The following TJP1 variants were observed in gnomAD, a reference collection of about 807,000 sequenced individuals.
TJP1 encodes the protein tight junction protein ZO-1.
In TJP1, 43 loss-of-function variants were observed where a neutral mutation model predicts 194.2. The observed-to-expected ratio is 0.22, with a 90% CI of 0.17 to 0.29. The LOEUF is 0.29. TJP1 is among the 10% of genes least tolerant of loss of function. The probability of loss-of-function intolerance (pLI) is 1.00; values close to 1 mark genes in which losing one functional copy is unlikely to be tolerated. For missense variants in TJP1, 1,971 were observed against 2,185.7 expected (o/e 0.90, Z 1.96); for synonymous variants, 801 against 779.0 (o/e 1.03, Z -0.47).
chr15:29,895,644 C>T (rs2053453547), intron 2 of TJP1, among the ~76,000 whole-genome samples: 1 of 152,202 alleles, frequency 6.6e-6, no homozygotes, highest in Non-Finnish European at 1.5e-5. Flanking sequence ...ACCAGAATTG[C>T]CCTTTAGGGT....
intron 2 of TJP1, among the ~76,000 whole-genome samples, chr15:29,834,309 C>T (rs1045169487): frequency 2.6e-5 from 4 of 151,726 alleles, no homozygotes; most frequent in African/African-American, 7.3e-5. Context: ...GCATCCTCCA[C>T]CTCCCAGGTT....
At chr15:29,853,432 T>C (rs2051723112) in intron 2 of TJP1, among the ~76,000 whole-genome samples, 2 of 152,220 alleles carry the variant, frequency 1.3e-5, no homozygotes, top group African/African-American at 4.8e-5. Context: ...ATAAGATCAG[T>C]GGATTAACAT....
At chr15:29,730,514 T>C (rs1474265945) in intron 15 of TJP1, among the ~76,000 whole-genome samples, 1 of 151,672 alleles carries the variant, frequency 6.6e-6, no homozygotes, top group Non-Finnish European at 1.5e-5. Flanking sequence ...TGTGGACTGC[T>C]TGAACCCATG....
At chr15:29,911,701 A>C (rs1011132927) in intron 2 of TJP1, among the ~76,000 whole-genome samples, 5 of 152,208 alleles carry the variant, frequency 3.3e-5, no homozygotes, top group African/African-American at 1.2e-4. Context: ...TCCCTCCTCC[A>C]ACACTGTGGA....
At position 29,769,300 on chromosome 15, in the gene TJP1, A is replaced by G. The variant is rs2046507421; in HGVS notation, c.313-2758T>C. On this transcript the variant is annotated intron_variant, in intron 4 of 27. Coordinates refer to ENST00000614355, the MANE Select transcript of TJP1 (RefSeq NM_001330239.4). Reference sequence around the variant, plus strand: ...AATGTTTCATTTGAAACACTTGTTTAGTTTATCAGTTTGGCAAAGATTTAA... The same window carrying G: ...AATGTTTCATTTGAAACACTTGTTTGGTTTATCAGTTTGGCAAAGATTTAA... 2.0e-5 allele frequency among the ~76,000 whole-genome samples: 3 copies of G among 152,220 alleles called. No individual in the cohort carries two copies. In the South Asian group the frequency reaches 6.2e-4, roughly 32 times the overall value.
At chr15:29,862,448 C>T (rs2052113580) in intron 2 of TJP1, among the ~76,000 whole-genome samples, 1 of 151,738 alleles carries the variant, frequency 6.6e-6, no homozygotes, top group African/African-American at 2.4e-5. Context: ...GAGGATCATT[C>T]TAGGCAAAAC....
chr15:29,935,151 CA>C (rs2054841874), intron 2 of TJP1, among the ~76,000 whole-genome samples: 1 of 152,228 alleles, frequency 6.6e-6, no homozygotes, highest in Non-Finnish European at 1.5e-5. Flanking sequence ...TCACCAGTAA[CA>C]CTTGTAGATC....
chr15:29,924,339 G>T (rs1415955602), intron 2 of TJP1, among the ~76,000 whole-genome samples: 1 of 152,072 alleles, frequency 6.6e-6, no homozygotes, highest in African/African-American at 2.4e-5. Flanking sequence ...CCAACATGCT[G>T]GGATTACACG....
chr15:29,916,051 C>T (rs1451548505), intron 2 of TJP1, among the ~76,000 whole-genome samples: 1 of 151,972 alleles, frequency 6.6e-6, no homozygotes, highest in Non-Finnish European at 1.5e-5. Context: ...TTCAGACCAG[C>T]CTGGCCAACA....
At chr15:29,716,884 T>C in intron 22 of TJP1, 46 bp from the exon 23 acceptor site, 3 of 1,482,064 alleles carry the variant, frequency 2.0e-6, no homozygotes, top group Non-Finnish European at 2.8e-6. Context: ...TAAATATTAA[T>C]GTTATGAAGG....
intron 22 of TJP1, 50 bp downstream of exon 22, chr15:29,717,971 G>T: frequency 2.0e-6 from 3 of 1,490,534 alleles, no homozygotes; most frequent in Non-Finnish European, 2.8e-6. Flanking sequence ...GACTAAGAGG[G>T]TTAAATTCCT....
At chr15:29,949,904 ACCACCT>A (rs1307141827) in intron 2 of TJP1, among the ~76,000 whole-genome samples, 3 of 92,360 alleles carry the variant, frequency 3.2e-5, no homozygotes, top group African/African-American at 5.3e-5. Flanking sequence ...CTCCACAACC[ACCACCT>A]CCACCTCCAC....
chr15:29,785,189 CG>C (rs1257540530), intron 2 of TJP1, among the ~76,000 whole-genome samples: 1 of 152,040 alleles, frequency 6.6e-6, no homozygotes, highest in African/African-American at 2.4e-5. Flanking sequence ...AAAGACTTGC[CG>C]TATTTCAAAC....
chr15:29,778,988 A>C (rs559775015), intron 2 of TJP1, among the ~76,000 whole-genome samples: 1 of 152,280 alleles, frequency 6.6e-6, no homozygotes, highest in Admixed American at 6.5e-5. Context: ...TAAGCCCGCC[A>C]AACTTAACCT....
intron 1 of TJP1, among the ~76,000 whole-genome samples, chr15:29,962,618 G>A (rs1196593986): frequency 6.6e-6 from 1 of 152,156 alleles, no homozygotes; most frequent in African/African-American, 2.4e-5. Flanking sequence ...ACAACAGTGT[G>A]AGCCAAGGAG....
At chr15:29,830,470 T>C (rs2050804054) in intron 2 of TJP1, among the ~76,000 whole-genome samples, 4 of 150,476 alleles carry the variant, frequency 2.7e-5, no homozygotes, top group Non-Finnish European at 4.4e-5. Flanking sequence ...TGAAGCTACA[T>C]ATAAATATAT....
rs768009248 is a variant in TJP1 at position 29,718,060 on chromosome 15, G to A, written c.3935C>T (p.Ser1312Phe). 147 of 1,611,604 alleles carry A rather than the reference G, an allele frequency of 9.1e-5. No individual in the cohort carries two copies. The highest frequency in any genetic ancestry group is 1.2e-4 in the Non-Finnish European group (144 of 1,179,692). ...GTCATGTTCACTGAATTGATTCTGA[G>A]AAGTGGGTTTGGGACCAATGATGGG... ...GAPIIGPKPTSQNQFSEHDKT... is the reference protein window; with the variant it reads ...GAPIIGPKPTFQNQFSEHDKT... The change falls in exon 22 of 28, where the codon TCT becomes TTT. Residue 1312 changes from serine (S) to phenylalanine (F), a missense_variant. Physicochemically the swap from Ser to Phe is radical, Grantham distance 155 (BLOSUM62 -2). This residue lies in a region of TJP1 where 1,108 missense variants were observed against 1,128.5 expected (regional missense o/e 0.98). Transcript: ENST00000614355.
At chr15:29,877,843 A>G (rs1447250378) in intron 2 of TJP1, among the ~76,000 whole-genome samples, 2 of 150,420 alleles carry the variant, frequency 1.3e-5, no homozygotes, top group Non-Finnish European at 3.0e-5. Context: ...AATTTTTTGT[A>G]TTTTTAGTAG....
chr15:29,796,751 G>A (rs747037669), intron 2 of TJP1, among the ~76,000 whole-genome samples: 31 of 152,140 alleles, frequency 2.0e-4, no homozygotes, highest in Non-Finnish European at 4.4e-4. Context: ...TGGAGGATTT[G>A]CCCTACCTGA....
Sources: gnomAD v4.1 joint callset for allele counts (sites outside exome capture counted in the v4.1 genomes callset) on GRCh38, gnomAD v4.1.1 for gene constraint, gnomAD v4.1.1 regional missense constraint, MANE v1.5 for transcripts, NCBI Gene and HGNC (gene_info 2026-07-23, HGNC 2026-07-21) for gene names.